PDE9A: variants seen among roughly 807,000 people sequenced by gnomAD.
The protein encoded by PDE9A is phosphodiesterase 9A.
PDE9A carries 60 observed loss-of-function variants against 87.4 expected under a neutral mutation model. The observed-to-expected ratio is 0.69, with a 90% CI of 0.56 to 0.85. PDE9A has a LOEUF of 0.85. Ranked by LOEUF, PDE9A falls within the 40% of genes least tolerant of loss-of-function variation. The pLI is 0.00. For synonymous variants in PDE9A, 272 were observed against 279.4 expected, an observed-to-expected ratio of 0.97 and a Z score of 0.27; for missense variants, 665 against 779.0, an observed-to-expected ratio of 0.85 and a Z score of 1.74.
intron 8 of PDE9A, among the ~76,000 whole-genome samples, chr21:42,745,709 G>A (rs1351706921): frequency 1.3e-5 from 2 of 152,248 alleles, no homozygotes; most frequent in Non-Finnish European, 1.5e-5. Flanking sequence ...GGAGGGTGGT[G>A]TTCCAGGGTG....
intron 4 of PDE9A, among the ~76,000 whole-genome samples, chr21:42,708,147 G>A (rs1222907785): frequency 3.3e-5 from 5 of 152,184 alleles, no homozygotes; most frequent in Non-Finnish European, 7.3e-5. Context: ...TATAAGCAAA[G>A]CCACAGTCAT....
chr21:42,754,221 A>G (rs2054771695), intron 10 of PDE9A, among the ~76,000 whole-genome samples, 157 bp downstream of exon 10: 1 of 150,956 alleles, frequency 6.6e-6, no homozygotes, highest in Non-Finnish European at 1.5e-5. Flanking sequence ...GCCAGGTTTT[A>G]GTTGAAACTA....
In PDE9A at chr21:42,759,188, G is replaced by A. The variant is rs1028377211; in HGVS notation, c.897+103G>A. 2 of 781,450 alleles carry A rather than the reference G, an allele frequency of 2.6e-6. No individual in the cohort carries two copies. The highest frequency in any genetic ancestry group is 4.4e-6 in the Non-Finnish European group (2 of 451,656). 48.4% of individuals were successfully genotyped at this position (781,450 alleles called of 1,614,324 possible). On this transcript the variant is annotated intron_variant, in intron 11 of 19. Coordinates refer to ENST00000291539, the MANE Select transcript of PDE9A (RefSeq NM_002606.3). This position sits in a 1 kb window ranked among gnomAD's most constrained non-coding sequence, Gnocchi z 7.2. ...ACCAGGGCACCTTCCGGATGGCACTGCGCTCCCTGTGAGCAGAGGTGACAT... is the reference window on the plus strand; with the variant it reads ...ACCAGGGCACCTTCCGGATGGCACTACGCTCCCTGTGAGCAGAGGTGACAT...
chr21:42,686,076 C>T (rs1448553504), intron 1 of PDE9A, 116 bp from the exon 2 acceptor site: 5 of 716,350 alleles, frequency 7.0e-6, no homozygotes, highest in Non-Finnish European at 1.3e-5. Context: ...AGAGTTACAG[C>T]TTTTCTTTTC....
At chr21:42,757,732 C>T (rs545584049) in intron 10 of PDE9A, 2 of 152,092 alleles carry the variant, frequency 1.3e-5, no homozygotes, top group African/African-American at 4.8e-5. Flanking sequence ...GCAAGATGGC[C>T]GCCTTCTTGC....
At chr21:42,755,768 G>T (rs1241939939) in intron 10 of PDE9A, among the ~76,000 whole-genome samples, 1 of 152,192 alleles carries the variant, frequency 6.6e-6, no homozygotes, top group African/African-American at 2.4e-5. Context: ...CTCCCAGCCT[G>T]TGGGCAACCG....
At chr21:42,663,738 CT>C (rs147163910) in intron 1 of PDE9A, among the ~76,000 whole-genome samples, 232 of 152,296 alleles carry the variant, frequency 1.5e-3, no homozygotes, top group South Asian at 3.3e-3. Context: ...CCCCATGTCC[CT>C]CAGCGCTGTG....
intron 17 of PDE9A, among the ~76,000 whole-genome samples, chr21:42,769,506 CACATGCACACA>C (rs1278677344): frequency 7.4e-5 from 8 of 108,552 alleles, no homozygotes; most frequent in South Asian, 3.2e-4. Flanking sequence ...CACGCAGGTA[CACATGCACACA>C]AGGCACACAG....
chr21:42,670,407 CAT>C (rs1569118451), intron 1 of PDE9A, among the ~76,000 whole-genome samples: 13 of 141,552 alleles, frequency 9.2e-5, no homozygotes, highest in Non-Finnish European at 1.4e-4. Context: ...AACATTCACA[CAT>C]ACATTCACAC....
At chr21:42,767,632 T>C (rs1410906594) in intron 15 of PDE9A, among the ~76,000 whole-genome samples, 1 of 152,162 alleles carries the variant, frequency 6.6e-6, no homozygotes, top group Non-Finnish European at 1.5e-5. Flanking sequence ...TCCTGTCTAA[T>C]CAGCTTCAGA....
Position 42,696,268 on chromosome 21 carries a change from G to T in PDE9A, c.219-2700G>T, listed in dbSNP as rs1225897028. Reference sequence around the variant, plus strand: ...AGAAGTTGCTGGACACGCCTCTCTGGCTCTGTCCCCGCCGGCACTGTGTGG... The same window carrying T: ...AGAAGTTGCTGGACACGCCTCTCTGTCTCTGTCCCCGCCGGCACTGTGTGG... On this transcript the variant is annotated intron_variant, in intron 3 of 19. Transcript: ENST00000291539. This position sits in a 1 kb window ranked among gnomAD's most constrained non-coding sequence, Gnocchi z 5.1. Among the ~76,000 whole-genome samples, 20 of 152,264 alleles carry T rather than the reference G, an allele frequency of 1.3e-4. No homozygotes were observed. The highest frequency in any genetic ancestry group is 4.4e-5 in the Non-Finnish European group (3 of 68,000).
At chr21:42,768,650 C>T in intron 16 of PDE9A, 1 of 985,454 alleles carries the variant, frequency 1.0e-6, no homozygotes, top group South Asian at 4.7e-5. Flanking sequence ...TCAGCTCACA[C>T]AGATGGCCAC....
At chr21:42,656,531 G>A (rs2057086652) in intron 1 of PDE9A, among the ~76,000 whole-genome samples, 1 of 152,268 alleles carries the variant, frequency 6.6e-6, no homozygotes, top group Non-Finnish European at 1.5e-5. Context: ...GGCCTTACCT[G>A]TGCAGGTAAC....
At chr21:42,679,938 A>G (rs3819903) in intron 1 of PDE9A, among the ~76,000 whole-genome samples, 1 of 152,180 alleles carries the variant, frequency 6.6e-6, no homozygotes, top group Non-Finnish European at 1.5e-5. Flanking sequence ...CAGTTCAAGA[A>G]GATCTGCGTT....
intron 1 of PDE9A, among the ~76,000 whole-genome samples, chr21:42,670,252 C>T (rs1303938228): frequency 2.1e-4 from 31 of 148,666 alleles, no homozygotes; most frequent in African/African-American, 6.7e-4. Context: ...CATACACATA[C>T]ATACATTCAC....
intron 1 of PDE9A, among the ~76,000 whole-genome samples, chr21:42,673,623 GAATT>G (rs765442424): frequency 4.5e-4 from 69 of 152,366 alleles, no homozygotes; most frequent in Admixed American, 7.8e-4. Context: ...ACCAAGGAGA[GAATT>G]AATGGGAACA....
At chr21:42,770,230 C>T (rs550808831) in intron 17 of PDE9A, among the ~76,000 whole-genome samples, 4 of 152,220 alleles carry the variant, frequency 2.6e-5, no homozygotes, top group African/African-American at 9.6e-5. Context: ...TCAAGGCACC[C>T]CCAGCATGTC....
At chr21:42,687,857 T>C in intron 2 of PDE9A, 60 bp from the exon 3 acceptor site, 12 of 1,417,120 alleles carry the variant, frequency 8.5e-6, no homozygotes, top group Non-Finnish European at 1.2e-5. Context: ...ATGTGTACAT[T>C]CAAGTGTACA....
intron 1 of PDE9A, among the ~76,000 whole-genome samples, chr21:42,668,484 C>T (rs995255721): frequency 9.2e-5 from 14 of 152,172 alleles, no homozygotes; most frequent in Admixed American, 5.9e-4. Context: ...TTGCAACTGG[C>T]GAGAGGCCTT....
Sources: allele counts gnomAD v4.1 joint callset (sites outside exome capture counted in the v4.1 genomes callset), GRCh38; gene constraint gnomAD v4.1.1; non-coding constraint Gnocchi (gnomAD v3.1); transcripts MANE v1.5; gene names NCBI Gene and HGNC (gene_info 2026-07-23, HGNC 2026-07-21).